Variants in HPS5 observed in about 807,000 individuals in gnomAD.
HPS5 encodes the protein HPS5 biogenesis of lysosomal organelles complex 2 subunit 2, also known as BLOC-2 complex member HPS5.
In HPS5, 83 loss-of-function variants were observed where a neutral mutation model predicts 128.0. The ratio of observed to expected loss-of-function variants is 0.65; its 90% confidence interval spans 0.54 to 0.78. The LOEUF (loss-of-function observed/expected upper bound fraction) is 0.78. Ranked by LOEUF, HPS5 falls within the 30% of genes least tolerant of loss-of-function variation. HPS5 has a pLI of 0.00. For synonymous variants in HPS5, 475 were observed against 470.2 expected, an observed-to-expected ratio of 1.01 and a Z score of -0.13; for missense variants, 1,281 against 1,326.2, an observed-to-expected ratio of 0.97 and a Z score of 0.53.
At chr11:18,286,821 T>G in intron 18 of HPS5, 111 bp from the exon 19 acceptor site, 40 of 1,313,958 alleles carry the variant, frequency 3.0e-5, no homozygotes, top group Non-Finnish European at 4.0e-5. Flanking sequence ...GAAGAAGAAA[T>G]AACTTGAAAA....
chr11:18,298,102 A>C (rs1205142787), intron 10 of HPS5, among the ~76,000 whole-genome samples: 4 of 151,734 alleles, frequency 2.6e-5, no homozygotes, highest in Admixed American at 2.6e-4. Flanking sequence ...AAAAAAAAGA[A>C]AAAAGAAATA....
chr11:18,306,097 C>A, intron 7 of HPS5, 38 bp downstream of exon 7: 1 of 1,352,438 alleles, frequency 7.4e-7, no homozygotes, highest in Non-Finnish European at 1.1e-6. Context: ...TATATAGAAG[C>A]TCTTCAAACA....
chr11:18,285,042 T>C (rs1413896606), intron 20 of HPS5, among the ~76,000 whole-genome samples: 1 of 151,856 alleles, frequency 6.6e-6, no homozygotes, highest in Non-Finnish European at 1.5e-5. Flanking sequence ...TTATAATTGG[T>C]ATCACATAAT....
intron 13 of HPS5, among the ~76,000 whole-genome samples, chr11:18,295,593 A>T (rs993248644): frequency 6.6e-6 from 1 of 152,234 alleles, no homozygotes; most frequent in Non-Finnish European, 1.5e-5. Context: ...GCAGTTAAGT[A>T]GCTGCACAAA....
chr11:18,310,934 C>T lies in HPS5; in HGVS notation c.285-1G>A. The T allele has an allele frequency of 6.2e-7, 1 of 1,613,962 alleles. No individual in the cohort carries two copies. The highest frequency in any genetic ancestry group is 8.5e-7 in the Non-Finnish European group (1 of 1,179,862). The stretch of plus-strand genomic sequence containing the variant: ...TTCCCAAACAACCACAAGACCTTGA[C>T]TGCAAGAATTGAGTCACAGAGGCAA... On this transcript the variant is annotated splice_acceptor_variant, in intron 4 of 22. Coordinates refer to ENST00000349215, the MANE Select transcript of HPS5 (RefSeq NM_181507.2). LOFTEE classifies it high-confidence loss of function.
chr11:18,292,797 T>C (rs1860574846), intron 15 of HPS5, 102 bp downstream of exon 15: 2 of 879,072 alleles, frequency 2.3e-6, no homozygotes, highest in Non-Finnish European at 3.9e-6. Flanking sequence ...TAATCAACTA[T>C]ATATTTCATA....
At chr11:18,312,609 A>G (rs1863143663) in intron 2 of HPS5, among the ~76,000 whole-genome samples, 1 of 152,146 alleles carries the variant, frequency 6.6e-6, no homozygotes, top group Non-Finnish European at 1.5e-5. Context: ...CTAAATATTC[A>G]CCTTCCCAGT....
intron 2 of HPS5, 111 bp downstream of exon 2, chr11:18,317,640 G>A: frequency 2.0e-6 from 2 of 1,000,614 alleles, no homozygotes; most frequent in South Asian, 2.8e-5. Context: ...AGTATGACTA[G>A]GACAGGTAAG....
At chr11:18,301,233 A>T (rs949507676) in intron 8 of HPS5, among the ~76,000 whole-genome samples, 3 of 152,074 alleles carry the variant, frequency 2.0e-5, no homozygotes, top group Non-Finnish European at 1.5e-5. Flanking sequence ...AGGTGGGTGG[A>T]TCACTTGAGG....
At chr11:18,280,419 A>T (rs933296006) in intron 22 of HPS5, 2 of 574,050 alleles carry the variant, frequency 3.5e-6, no homozygotes, top group African/African-American at 3.8e-5. Context: ...GAGAAATTGG[A>T]ACTCTTGTGC....
At chr11:18,299,067 G>T in intron 9 of HPS5, 97 bp from the exon 10 acceptor site, 2 of 1,194,330 alleles carry the variant, frequency 1.7e-6, no homozygotes, top group Non-Finnish European at 2.5e-6. Flanking sequence ...CATTTCTTAC[G>T]TAGGGTTTGG....
intron 22 of HPS5, 67 bp downstream of exon 22, chr11:18,281,883 A>G: frequency 1.3e-6 from 2 of 1,573,576 alleles, no homozygotes; most frequent in Non-Finnish European, 1.7e-6. Context: ...CCACATCTAC[A>G]TCTGAAAGTC....
chr11:18,304,221 T>C (rs1181417098), intron 8 of HPS5, among the ~76,000 whole-genome samples: 3 of 151,154 alleles, frequency 2.0e-5, no homozygotes, highest in African/African-American at 7.3e-5. Context: ...ATTCACTTTT[T>C]TTTTTTTTTT....
chr11:18,299,883 A>G (rs1239146815), intron 9 of HPS5, among the ~76,000 whole-genome samples: 1 of 152,248 alleles, frequency 6.6e-6, no homozygotes, highest in Non-Finnish European at 1.5e-5. Flanking sequence ...AGAAAGTTAA[A>G]GACCACATGT....
intron 2 of HPS5, among the ~76,000 whole-genome samples, chr11:18,312,376 G>A (rs1863115763): frequency 6.6e-6 from 1 of 152,190 alleles, no homozygotes; most frequent in Admixed American, 6.5e-5. Context: ...GAAGTTACCA[G>A]AAGATAAAGC....
intron 21 of HPS5, among the ~76,000 whole-genome samples, chr11:18,282,614 C>G (rs1859148052): frequency 6.6e-6 from 1 of 151,966 alleles, no homozygotes; most frequent in South Asian, 2.1e-4. Context: ...AGGGCATATC[C>G]TATGCTAAGC....
At chr11:18,281,502 C>T (rs1216087409) in intron 22 of HPS5, among the ~76,000 whole-genome samples, 1 of 151,706 alleles carries the variant, frequency 6.6e-6, no homozygotes, top group Admixed American at 6.6e-5. Flanking sequence ...CGAGTTCAAG[C>T]GATTCTCCTG....
chr11:18,287,824 T>G lies in HPS5; in HGVS notation c.2561+69A>C, dbSNP rs1241257121. The G allele has an allele frequency of 3.1e-6, 5 of 1,606,092 alleles. No individual in the cohort carries two copies. In the East Asian group the frequency reaches 8.9e-5, roughly 29 times the overall value. Reference sequence around the variant, plus strand: ...GCCTCATATGCAAATGAGTAACATGTTAGAGACTAAAATACACAAAAAAAT... The same window carrying G: ...GCCTCATATGCAAATGAGTAACATGGTAGAGACTAAAATACACAAAAAAAT... On this transcript the variant is annotated intron_variant, in intron 17 of 22. Coordinates refer to ENST00000349215, the MANE Select transcript of HPS5 (RefSeq NM_181507.2).
rs1467450857 is a variant in HPS5 at position 18,306,267 on chromosome 11, C to T, written c.692G>A (p.Gly231Asp). 1 of 1,613,960 alleles carries T rather than the reference C, an allele frequency of 6.2e-7. No homozygotes were observed. The highest frequency in any genetic ancestry group is 8.5e-7 in the Non-Finnish European group (1 of 1,179,864). The change falls in exon 7 of 23, where the codon GGC becomes GAC. Residue 231 changes from glycine (G) to aspartate (D), a missense_variant. Transcript: ENST00000349215. ...ACFFPGRCSG[G>D]QQPLIYCARP... The stretch of plus-strand genomic sequence containing the variant: ...AGCACAATATATCAGAGGTTGCTGG[C>T]CCCCAGAACATCTTCCAGGAAAGAA...
Sources: gnomAD v4.1 joint callset for allele counts (sites outside exome capture counted in the v4.1 genomes callset) on GRCh38, gnomAD v4.1.1 for gene constraint, MANE v1.5 for transcripts, NCBI Gene and HGNC (gene_info 2026-07-23, HGNC 2026-07-21) for gene names.